The following MCM5 variants were observed in gnomAD, a reference collection of about 807,000 sequenced individuals.
MCM5 encodes the protein DNA replication licensing factor MCM5.
Under a neutral mutation model 79.9 loss-of-function variants are expected in MCM5, and 46 were observed. The observed-to-expected ratio is 0.58, with a 90% confidence interval of 0.45 to 0.74. MCM5 has a LOEUF of 0.74. Ranked by LOEUF, MCM5 falls within the 30% of genes least tolerant of loss-of-function variation. MCM5 has a pLI of 0.00. For synonymous variants in MCM5, 404 were observed against 390.5 expected, an observed-to-expected ratio of 1.03 and a Z score of -0.41; for missense variants, 883 against 1,017.0, an observed-to-expected ratio of 0.87 and a Z score of 1.79.
In MCM5 at chr22:35,419,949, G is replaced by A. The variant is rs200263774; in HGVS notation, c.1769G>A (p.Arg590Gln). Residue 590 changes from arginine to glutamine, a missense_variant, in exon 14 of 17, where the codon CGG becomes CAG. Arg to Gln is a conservative substitution (Grantham distance 43, BLOSUM62 1). Around this residue, in one of 3 missense-constraint regions of MCM5, gnomAD observed 426 missense variants for 482.3 expected, o/e 0.88. Coordinates refer to ENST00000216122, the MANE Select transcript of MCM5 (RefSeq NM_006739.4). ...EKLKNRYIIM[R>Q]SGARQHERDS... Reference sequence around the variant, plus strand: ...CTGAAGAACCGCTACATCATCATGCGGAGCGGGGCCCGTCAGCACGAGAGG... The same window carrying A: ...CTGAAGAACCGCTACATCATCATGCAGAGCGGGGCCCGTCAGCACGAGAGG... 8.7e-6 allele frequency: 14 copies of A among 1,613,038 alleles called. No individual in the cohort carries two copies. The highest frequency in any genetic ancestry group is 1.3e-5 in the African/African-American group (1 of 74,916).
Position 35,424,318 on chromosome 22 carries a change from C to T in MCM5, c.*63C>T, listed in dbSNP as rs1437752755. 4.9e-6 allele frequency: 6 copies of T among 1,231,960 alleles called. No homozygotes were observed. In the Admixed American group the frequency reaches 1.1e-4, roughly 24 times the overall value. The allele number at this position is 1,231,960 out of a possible 1,614,324, so 76.3% of individuals were successfully genotyped here. A position where few individuals can be genotyped will look rare whatever the true frequency, so the allele number is the denominator to read the frequency against. On this transcript the variant is annotated 3_prime_UTR_variant, in exon 17 of 17. Transcript: ENST00000216122. ...CCTCGCCCCTCCTGCCGCTGCCTGC[C>T]ATTGACAATGTTGCTGGGACCTCTG... is the stretch of plus-strand genomic sequence containing the variant.
At chr22:35,440,450 C>T in the MCM5 span, among the ~76,000 whole-genome samples, 39 of 152,280 alleles carry the variant, frequency 2.6e-4, no homozygotes, top group African/African-American at 9.1e-4. Context: ...GTATGTGACC[C>T]CTGAACTGCC....
chr22:35,454,959 C>G, the MCM5 span, among the ~76,000 whole-genome samples: 1 of 151,746 alleles, frequency 6.6e-6, no homozygotes, highest in Non-Finnish European at 1.5e-5. Flanking sequence ...CAAAATTGGC[C>G]CTGGTCGAGA....
At chr22:35,428,651 A>G (rs539420438), downstream of MCM5, among the ~76,000 whole-genome samples, 46 of 152,278 alleles carry the variant, frequency 3.0e-4, no homozygotes, top group African/African-American at 1.1e-3. Context: ...GTTGTAAGGT[A>G]GTAAGCTCCC....
downstream of MCM5, among the ~76,000 whole-genome samples, chr22:35,427,691 T>C (rs951624268): frequency 6.6e-6 from 1 of 151,910 alleles, no homozygotes; most frequent in East Asian, 1.9e-4. Context: ...ATGTTATCCC[T>C]CCCTAGCCCC....
chr22:35,441,747 T>A, the MCM5 span, among the ~76,000 whole-genome samples: 1 of 151,968 alleles, frequency 6.6e-6, no homozygotes, highest in Non-Finnish European at 1.5e-5. Context: ...AGCTGAACCT[T>A]GAAGGCTGGG....
At chr22:35,437,538 T>C in the MCM5 span, among the ~76,000 whole-genome samples, 1 of 152,236 alleles carries the variant, frequency 6.6e-6, no homozygotes, top group Non-Finnish European at 1.5e-5. Context: ...TGAAGGCAGT[T>C]CTGCTTTGTG....
rs542801531 is a variant in MCM5, at chr22:35,413,981, A to G, written c.1198A>G (p.Ile400Val). The part of the protein sequence containing the change: ...LLKFVEKCSP[I>V]GVYTSGKGSS... ...GAAGTTTGTGGAGAAGTGTTCTCCC[A>G]TTGGGGTGAGTGGCCTGGGATACCT... Residue 400 changes from isoleucine to valine, a missense_variant, in exon 9 of 17, where the codon ATT (isoleucine) becomes GTT (valine). Ile to Val is a conservative substitution (Grantham distance 29). This residue lies in a region of MCM5 where 426 missense variants were observed against 482.3 expected (regional missense o/e 0.88). Transcript: ENST00000216122. 28 of 1,610,978 alleles carry G rather than the reference A, an allele frequency of 1.7e-5. No individual in the cohort carries two copies. The Admixed American group carries it at 4.7e-4, about 27-fold the overall frequency.
At chr22:35,401,344 C>T (rs764042402) in intron 2 of MCM5, 6 of 466,764 alleles carry the variant, frequency 1.3e-5, no homozygotes, top group Non-Finnish European at 2.2e-5. Context: ...ATTCACTTCA[C>T]TTCGCTCATT....
At position 35,423,450 on chromosome 22, in the gene MCM5, G is replaced by C. The variant is rs1932744740; in HGVS notation, c.2103+109G>C. 4.0e-6 allele frequency: 5 copies of C among 1,261,066 alleles called. No individual in the cohort carries two copies. In the South Asian group the frequency reaches 6.7e-5, roughly 17 times the overall value. The allele number at this position is 1,261,066 out of a possible 1,614,324, so 78.1% of individuals were successfully genotyped here. ...TACTCAGCAGACAGGCCCTGAACGGGGGTAGGATGGACAACTGTCCCTTTC... is the reference window on the plus strand; with the variant it reads ...TACTCAGCAGACAGGCCCTGAACGGCGGTAGGATGGACAACTGTCCCTTTC... On this transcript the variant is annotated intron_variant, in intron 16 of 16. Transcript: ENST00000216122.
chr22:35,431,817 G>C, the MCM5 span, among the ~76,000 whole-genome samples: 15 of 152,154 alleles, frequency 9.9e-5, no homozygotes, highest in African/African-American at 3.1e-4. Flanking sequence ...CCAGACTTCA[G>C]TTCCCTCTGT....
At chr22:35,439,060 T>C in the MCM5 span, among the ~76,000 whole-genome samples, 2 of 114,872 alleles carry the variant, frequency 1.7e-5, no homozygotes, top group African/African-American at 3.4e-5. Context: ...CCCACCCACA[T>C]ATTCATCCAT....
chr22:35,401,674 A>G (rs1189337211), intron 2 of MCM5: 3 of 471,172 alleles, frequency 6.4e-6, no homozygotes. Context: ...AGCAGCTGAT[A>G]TTGCCCACCT....
chr22:35,455,009 T>C, the MCM5 span, among the ~76,000 whole-genome samples: 1 of 151,866 alleles, frequency 6.6e-6, no homozygotes, highest in Non-Finnish European at 1.5e-5. Context: ...TAGTTTATAA[T>C]AATAATAGAT....
intron 6 of MCM5, 134 bp downstream of exon 6, chr22:35,408,697 T>C: frequency 3.4e-6 from 3 of 876,550 alleles, no homozygotes; most frequent in Non-Finnish European, 5.1e-6. Flanking sequence ...GCAGAGCACC[T>C]GCTCTGTGCC....
intron 2 of MCM5, among the ~76,000 whole-genome samples, 184 bp downstream of exon 2, chr22:35,400,789 T>C (rs1166124535): frequency 6.6e-6 from 1 of 151,166 alleles, no homozygotes; most frequent in Non-Finnish European, 1.5e-5. Context: ...TGTATTTTGT[T>C]TTACTTTATT....
chr22:35,411,030 A>T, intron 7 of MCM5, 120 bp downstream of exon 7: 1 of 851,406 alleles, frequency 1.2e-6, no homozygotes, highest in South Asian at 1.9e-5. Flanking sequence ...TGCTCATATC[A>T]TTAGAACGTT....
chr22:35,448,808 G>C, the MCM5 span, among the ~76,000 whole-genome samples: 1 of 152,232 alleles, frequency 6.6e-6, no homozygotes, highest in Non-Finnish European at 1.5e-5. Flanking sequence ...CAGATGGAGT[G>C]ACTAGACCGG....
chr22:35,444,476 C>T, the MCM5 span, among the ~76,000 whole-genome samples: 1 of 152,108 alleles, frequency 6.6e-6, no homozygotes, highest in Admixed American at 6.5e-5. Flanking sequence ...GGAACCCCAT[C>T]TGGGCACATC....
Sources: allele counts gnomAD v4.1 joint callset (sites outside exome capture counted in the v4.1 genomes callset), GRCh38; gene constraint gnomAD v4.1.1; regional missense constraint gnomAD v4.1.1; transcripts MANE v1.5; gene names NCBI Gene and HGNC (gene_info 2026-07-23, HGNC 2026-07-21).